PRRX1: variants seen among roughly 807,000 people sequenced by gnomAD.
The protein encoded by PRRX1 is paired related homeobox 1.
PRRX1 carries 8 observed loss-of-function variants against 24.0 expected under a neutral mutation model. That is an observed-to-expected ratio of 0.33 (90% CI 0.20 to 0.60). The LOEUF (loss-of-function observed/expected upper bound fraction) is 0.60. PRRX1 is among the 20% of genes least tolerant of loss of function. PRRX1 has a pLI of 0.82. For missense variants in PRRX1, 281 were observed against 322.4 expected, an observed-to-expected ratio of 0.87 and a Z score of 0.98; for synonymous variants, 160 against 131.7, an observed-to-expected ratio of 1.22 and a Z score of -1.47.
chr1:170,719,867 C>T lies in PRRX1; in HGVS notation c.383C>T (p.Ala128Val), dbSNP rs1655025632. The T allele has an allele frequency of 6.2e-7, 1 of 1,614,014 alleles. No homozygotes were observed. The highest frequency in any genetic ancestry group is 8.5e-7 in the Non-Finnish European group (1 of 1,180,012). The change falls in exon 2 of 4, where the codon GCC (alanine) becomes GTC (valine). Residue 128 changes from alanine to valine, a missense_variant. Coordinates refer to ENST00000239461, the MANE Select transcript of PRRX1 (RefSeq NM_022716.4). ...YPDAFVREDL[A>V]RRVNLTEARV... ...GATGCTTTTGTGCGAGAAGACCTTG[C>T]CCGCCGGGTGAACCTCACCGAGGCG...
chr1:170,730,466 T>G lies in PRRX1; in HGVS notation c.599+4065T>G. The G allele has an allele frequency of 3.7e-6, 3 of 806,706 alleles. 1 individual carries two copies. The South Asian group carries it at 4.7e-5, about 13-fold the overall frequency. 50.0% of individuals were successfully genotyped at this position (806,706 alleles called of 1,614,324 possible). ...AAATTTCAGCAGTGAAGTCCTCAAG[T>G]GAGGAATATTATTGGTAACCAGAGC... On this transcript the variant is annotated intron_variant, in intron 3 of 3. Coordinates refer to ENST00000239461, the MANE Select transcript of PRRX1 (RefSeq NM_022716.4).
intron 1 of PRRX1, among the ~76,000 whole-genome samples, chr1:170,680,765 C>T (rs763412649): frequency 6.6e-6 from 1 of 152,106 alleles, no homozygotes; most frequent in Non-Finnish European, 1.5e-5. Context: ...AATGAGTTTT[C>T]CTTTTGGAGG....
At chr1:170,687,357 G>A (rs1653780372) in intron 1 of PRRX1, among the ~76,000 whole-genome samples, 1 of 152,140 alleles carries the variant, frequency 6.6e-6, no homozygotes, top group Admixed American at 6.6e-5. Context: ...TCCTTCTCTA[G>A]CCTCTTAAAG....
At chr1:170,712,750 C>T (rs570791129) in intron 1 of PRRX1, among the ~76,000 whole-genome samples, 1 of 152,164 alleles carries the variant, frequency 6.6e-6, no homozygotes, top group Non-Finnish European at 1.5e-5. Context: ...AACATCTTAT[C>T]CAAGGCCACA....
At chr1:170,684,589 C>T (rs1214945844) in intron 1 of PRRX1, among the ~76,000 whole-genome samples, 4 of 152,246 alleles carry the variant, frequency 2.6e-5, no homozygotes, top group Middle Eastern at 3.4e-3. Context: ...CTCATCTGTA[C>T]TAAAAATACA....
intron 2 of PRRX1, among the ~76,000 whole-genome samples, chr1:170,720,487 C>T (rs1264102301): frequency 6.6e-6 from 1 of 152,124 alleles, no homozygotes; most frequent in Non-Finnish European, 1.5e-5. Context: ...TCTCCCAGCA[C>T]CCCTTTCTTT....
chr1:170,705,882 G>A (rs1469139477), intron 1 of PRRX1, among the ~76,000 whole-genome samples: 4 of 148,260 alleles, frequency 2.7e-5, no homozygotes, highest in African/African-American at 9.9e-5. Flanking sequence ...TTCAATTTTG[G>A]GTTCTCTGGG....
intron 1 of PRRX1, among the ~76,000 whole-genome samples, chr1:170,682,779 A>G (rs1482307545): frequency 3.9e-5 from 6 of 152,172 alleles, no homozygotes; most frequent in African/African-American, 7.2e-5. Context: ...ATGAACACAC[A>G]CCTAGATAAG....
intron 1 of PRRX1, among the ~76,000 whole-genome samples, chr1:170,696,157 A>T (rs1558052103): frequency 6.6e-6 from 1 of 152,066 alleles, no homozygotes; most frequent in Non-Finnish European, 1.5e-5. Flanking sequence ...AGAGTGACAC[A>T]TGAAAAGTAT....
intron 1 of PRRX1, among the ~76,000 whole-genome samples, chr1:170,665,942 C>T (rs1652910927): frequency 6.6e-6 from 1 of 152,194 alleles, no homozygotes; most frequent in African/African-American, 2.4e-5. Flanking sequence ...ACCAGGTGTC[C>T]TCAAGTTCCG....
intron 3 of PRRX1, chr1:170,729,154 A>C (rs1335900629): frequency 1.3e-5 from 2 of 152,258 alleles, no homozygotes; most frequent in East Asian, 3.8e-4. Flanking sequence ...ATGTTAAGCC[A>C]CACGACTATA....
intron 1 of PRRX1, among the ~76,000 whole-genome samples, chr1:170,701,143 C>G (rs1044970449): frequency 3.9e-5 from 6 of 152,150 alleles, no homozygotes; most frequent in Non-Finnish European, 8.8e-5. Context: ...GCAATTAGTT[C>G]CTCTTCTTTA....
rs766340831 is a variant in PRRX1 at position 170,664,410 on chromosome 1, G to A, written c.192G>A (p.Leu64=). The A allele has an allele frequency of 6.2e-7, 1 of 1,611,528 alleles. No individual in the cohort carries two copies. The highest frequency in any genetic ancestry group is 8.5e-7 in the Non-Finnish European group (1 of 1,179,214). The change falls in exon 1 of 4, where the codon CTG becomes CTA. Residue 64 remains leucine (L), a synonymous_variant. Transcript: ENST00000239461. ...DENVGEAGRS[L]LESPGLTSGS... ...ACGTGGGCGAGGCTGGCCGGAGCCTGCTGGAGTCGCCGGGACTCACCAGCG... is the reference window on the plus strand; with the variant it reads ...ACGTGGGCGAGGCTGGCCGGAGCCTACTGGAGTCGCCGGGACTCACCAGCG...
At chr1:170,700,466 G>A (rs1654318920) in intron 1 of PRRX1, among the ~76,000 whole-genome samples, 2 of 152,048 alleles carry the variant, frequency 1.3e-5, no homozygotes, top group African/African-American at 4.8e-5. Context: ...TTAGATACAC[G>A]TGTGTGTCAT....
rs1655031322 is a variant in PRRX1 at position 170,720,046 on chromosome 1, T to C, written c.417+145T>C. ...ACGTTGGGAGGTTGAGGCAGGCACA[T>C]TGCTTGAGCTCAGGAGTTCGAAACC... On this transcript the variant is annotated intron_variant, in intron 2 of 3. Transcript: ENST00000239461. 3.8e-5 allele frequency: 42 copies of C among 1,093,866 alleles called. 1 individual carries two copies. In the Middle Eastern group the frequency reaches 8.6e-4, roughly 22 times the overall value. 67.8% of individuals were successfully genotyped at this position (1,093,866 alleles called of 1,614,324 possible). A position where few individuals can be genotyped will look rare whatever the true frequency, so the allele number is the denominator to read the frequency against.
chr1:170,669,047 A>G (rs1261986483), intron 1 of PRRX1: 2 of 151,976 alleles, frequency 1.3e-5, no homozygotes, highest in African/African-American at 4.8e-5. Context: ...AATTTTGGGG[A>G]AATTGATAGT....
At chr1:170,726,139 C>A in intron 2 of PRRX1, 81 bp from the exon 3 acceptor site, 1 of 1,362,008 alleles carries the variant, frequency 7.3e-7, no homozygotes, top group Non-Finnish European at 1.0e-6. Flanking sequence ...TAAAATCAAG[C>A]AGAATTTCAT....
At chr1:170,680,177 C>CT (rs570793297) in intron 1 of PRRX1, among the ~76,000 whole-genome samples, 8 of 151,376 alleles carry the variant, frequency 5.3e-5, no homozygotes, top group African/African-American at 7.3e-5. Context: ...AAATATCAGG[C>CT]TTTTTTTTTC....
intron 1 of PRRX1, among the ~76,000 whole-genome samples, chr1:170,666,718 AGCCGTGGTG>A (rs1652946602): frequency 6.6e-6 from 1 of 152,184 alleles, no homozygotes; most frequent in Non-Finnish European, 1.5e-5. Flanking sequence ...GGAACAAGCC[AGCCGTGGTG>A]GCCCTCAGAT....
Sources: allele counts gnomAD v4.1 joint callset (sites outside exome capture counted in the v4.1 genomes callset), GRCh38; gene constraint gnomAD v4.1.1; transcripts MANE v1.5; gene names NCBI Gene and HGNC (gene_info 2026-07-23, HGNC 2026-07-21).